The following KCNJ16 variants were observed in gnomAD, a reference collection of about 807,000 sequenced individuals.
KCNJ16 encodes the protein inward rectifier potassium channel 16.
A neutral mutation model predicts 18.5 loss-of-function variants in KCNJ16; 15 were observed. The observed-to-expected ratio is 0.81, with a 90% CI of 0.54 to 1.25. The LOEUF is 1.25. Among genes scored for constraint, KCNJ16 ranks in the 50% most tolerant of loss-of-function variants. The pLI, the probability that KCNJ16 is intolerant of heterozygous loss-of-function variation, is 0.00. For missense variants in KCNJ16, 523 were observed against 525.7 expected (o/e 0.99, Z 0.05); for synonymous variants, 174 against 186.5 (o/e 0.93, Z 0.55).
chr17:70,107,865 A>T (rs2073005487), intron 2 of KCNJ16, among the ~76,000 whole-genome samples: 1 of 152,176 alleles, frequency 6.6e-6, no homozygotes, highest in Non-Finnish European at 1.5e-5. Flanking sequence ...TACTAATGTT[A>T]AAAGAGAACT....
chr17:70,077,674 GTTT>G (rs77277323), intron 1 of KCNJ16, among the ~76,000 whole-genome samples: 54 of 149,446 alleles, frequency 3.6e-4, no homozygotes, highest in African/African-American at 9.8e-4. Flanking sequence ...GTTAGGCTGT[GTTT>G]TTTTTTTTTG....
chr17:70,092,069 C>A (rs991647500), intron 1 of KCNJ16, among the ~76,000 whole-genome samples: 3 of 152,170 alleles, frequency 2.0e-5, no homozygotes, highest in Non-Finnish European at 4.4e-5. Flanking sequence ...CCTAAAACAT[C>A]TACCTAAAAG....
intron 1 of KCNJ16, chr17:70,096,794 G>A (rs939137722): frequency 2.3e-5 from 9 of 390,464 alleles, no homozygotes; most frequent in African/African-American, 1.0e-4. Context: ...TTCTGCCTCA[G>A]TGTTCTCAAC....
intron 1 of KCNJ16, among the ~76,000 whole-genome samples, chr17:70,091,238 C>T (rs928896085): frequency 6.6e-6 from 1 of 152,170 alleles, no homozygotes; most frequent in Admixed American, 6.5e-5. Flanking sequence ...CATCATCTGT[C>T]ACCATTTCCC....
At chr17:70,131,205 A>G (rs2074045308) in intron 3 of KCNJ16, 1 of 751,356 alleles carries the variant, frequency 1.3e-6, no homozygotes, top group Admixed American at 3.5e-5. Flanking sequence ...AAAAAAAAAA[A>G]AAAAGAAAGA....
intron 1 of KCNJ16, among the ~76,000 whole-genome samples, chr17:70,079,506 C>T (rs2071459035): frequency 6.6e-6 from 1 of 152,102 alleles, no homozygotes; most frequent in Admixed American, 6.6e-5. Context: ...ATAACAGAAT[C>T]CAACTTCATC....
chr17:70,083,714 T>G (rs1245115272), intron 1 of KCNJ16, among the ~76,000 whole-genome samples: 1 of 151,730 alleles, frequency 6.6e-6, no homozygotes, highest in Non-Finnish European at 1.5e-5. Context: ...TATATCCTCA[T>G]TGTTAAGTGA....
intron 2 of KCNJ16, among the ~76,000 whole-genome samples, chr17:70,103,171 T>C (rs1238426804): frequency 6.9e-6 from 1 of 145,766 alleles, no homozygotes; most frequent in Non-Finnish European, 1.5e-5. Flanking sequence ...ATTTAATATA[T>C]ATTTATGTGT....
chr17:70,099,940 G>T (rs1253916908), intron 1 of KCNJ16, among the ~76,000 whole-genome samples: 2 of 152,142 alleles, frequency 1.3e-5, no homozygotes, highest in African/African-American at 4.8e-5. Flanking sequence ...CTTCAGCACG[G>T]TTTGGTCAAA....
chr17:70,111,298 A>T (rs559094335), intron 2 of KCNJ16, among the ~76,000 whole-genome samples: 48 of 152,242 alleles, frequency 3.2e-4, no homozygotes, highest in African/African-American at 1.2e-3. Flanking sequence ...GCTTTTCAAG[A>T]TGGCTATTAG....
At chr17:70,097,069 C>A (rs1272420115) in intron 1 of KCNJ16, 2 of 383,828 alleles carry the variant, frequency 5.2e-6, no homozygotes, top group Non-Finnish European at 9.2e-6. Flanking sequence ...AGTTTTATTT[C>A]ATAATCACAC....
At chr17:70,131,934 A>C (rs891482094) in intron 3 of KCNJ16, 61 bp from the exon 4 acceptor site, 1 of 1,473,522 alleles carries the variant, frequency 6.8e-7, no homozygotes, top group Non-Finnish European at 9.0e-7. Flanking sequence ...AATTTGGCAA[A>C]TTGCTATAAA....
At chr17:70,089,376 T>C (rs967395183) in intron 1 of KCNJ16, among the ~76,000 whole-genome samples, 1 of 152,228 alleles carries the variant, frequency 6.6e-6, no homozygotes, top group Non-Finnish European at 1.5e-5. Flanking sequence ...ATAATTTGCA[T>C]ATGAGTTTTA....
At chr17:70,079,290 T>C (rs1300124666) in intron 1 of KCNJ16, among the ~76,000 whole-genome samples, 3 of 152,334 alleles carry the variant, frequency 2.0e-5, no homozygotes, top group Admixed American at 6.5e-5. Context: ...CCAGGAAATC[T>C]TGGCTTTTGC....
chr17:70,093,767 G>T (rs1259031679), intron 1 of KCNJ16, among the ~76,000 whole-genome samples: 1 of 152,010 alleles, frequency 6.6e-6, no homozygotes, highest in African/African-American at 2.4e-5. Context: ...TTATTGGGAG[G>T]TAAGATAATA....
intron 2 of KCNJ16, chr17:70,128,015 T>A (rs1222482140): frequency 2.0e-5 from 3 of 152,210 alleles, no homozygotes; most frequent in Admixed American, 1.3e-4. Flanking sequence ...AACCACTGTG[T>A]TGTACCCTCG....
chr17:70,095,275 A>ATTGT (rs11442570), intron 1 of KCNJ16, among the ~76,000 whole-genome samples: 5 of 4,522 alleles, frequency 1.1e-3, no homozygotes, highest in East Asian at 0.083. Flanking sequence ...AGACAAAACA[A>ATTGT]CTTTGACCAT....
rs1306535980 is a variant in KCNJ16, at chr17:70,130,953, T to C, written c.-116T>C. 3 of 1,535,242 alleles carry C rather than the reference T, an allele frequency of 2.0e-6. No individual in the cohort carries two copies. Among genetic ancestry groups the C allele is most frequent in the Non-Finnish European group, 2.6e-6 (3 of 1,146,262 alleles). ...TTGAGCTGGGAAATCCTTTGGCCTA[T>C]TATACCATGGATGCTAAAAATGGTA... On this transcript the variant is annotated 5_prime_UTR_variant, in exon 3 of 4. Transcript: ENST00000392671.
rs1474440110 is a variant in KCNJ16, at chr17:70,111,415, T to C, written c.-191+10649T>C. On this transcript the variant is annotated intron_variant, in intron 2 of 3. Coordinates refer to ENST00000392671, the MANE Select transcript of KCNJ16 (RefSeq NM_170741.4). ...AAGTGGGGAGCACACAGAAAAACCT[T>C]GATTAGCATCATAGATTGTCTGCGG... Among the ~76,000 whole-genome samples the C allele has an allele frequency of 4.6e-5, 7 of 152,088 alleles. No homozygotes were observed. In the East Asian group the frequency reaches 1.2e-3, roughly 25 times the overall value.
Sources: allele counts gnomAD v4.1 joint callset (sites outside exome capture counted in the v4.1 genomes callset), GRCh38; gene constraint gnomAD v4.1.1; transcripts MANE v1.5; gene names NCBI Gene and HGNC (gene_info 2026-07-23, HGNC 2026-07-21).